The following UST variants were observed in gnomAD, a reference collection of about 807,000 sequenced individuals.
UST encodes the protein chondroitin sulfate 2-O-sulfotransferase.
Under a neutral mutation model 45.6 loss-of-function variants are expected in UST, and 21 were observed. The ratio of observed to expected loss-of-function variants is 0.46; its 90% CI spans 0.33 to 0.66. The LOEUF is 0.66. Among genes scored for constraint, UST ranks in the 30% least tolerant of loss-of-function variants. UST has a pLI of 0.02. For synonymous variants in UST, 215 were observed against 200.6 expected (o/e 1.07, Z -0.61); for missense variants, 463 against 512.4 (o/e 0.90, Z 0.93).
intron 5 of UST, among the ~76,000 whole-genome samples, chr6:148,975,727 G>T (rs1350302229): frequency 6.6e-6 from 1 of 152,270 alleles, no homozygotes; most frequent in Non-Finnish European, 1.5e-5. Context: ...AATAAATAGT[G>T]TAGGAAAAAT....
chr6:148,827,498 A>G (rs2114753299), intron 1 of UST, among the ~76,000 whole-genome samples: 1 of 152,160 alleles, frequency 6.6e-6, no homozygotes, highest in Non-Finnish European at 1.5e-5. Context: ...GCATGCCTGT[A>G]ATCCCAACTC....
intron 5 of UST, among the ~76,000 whole-genome samples, chr6:148,977,766 A>C (rs887107900): frequency 1.1e-4 from 17 of 151,158 alleles, no homozygotes; most frequent in Non-Finnish European, 2.5e-4. Context: ...AAAAAAAAAA[A>C]AAAAAGAAAA....
At chr6:149,050,104 C>A (rs1285085670) in intron 7 of UST, among the ~76,000 whole-genome samples, 1 of 152,118 alleles carries the variant, frequency 6.6e-6, no homozygotes, top group Non-Finnish European at 1.5e-5. Flanking sequence ...GTACAAACAC[C>A]ATTAAGGGCA....
At chr6:148,865,090 G>C (rs143982859) in intron 1 of UST, among the ~76,000 whole-genome samples, 2 of 152,322 alleles carry the variant, frequency 1.3e-5, no homozygotes, top group East Asian at 3.9e-4. Flanking sequence ...AGTTCATTTG[G>C]TCTGTACTGC....
intron 2 of UST, among the ~76,000 whole-genome samples, chr6:148,930,873 C>T (rs973750303): frequency 2.6e-5 from 4 of 152,222 alleles, no homozygotes; most frequent in African/African-American, 9.6e-5. Context: ...ATAAGTTTCT[C>T]AGTACAATTC....
intron 1 of UST, among the ~76,000 whole-genome samples, chr6:148,766,852 G>A (rs9498151): frequency 0.03 from 4,516 of 152,336 alleles, 93 homozygotes; most frequent in Non-Finnish European, 0.041. Context: ...CAGGGTCGGA[G>A]AGTTTTGTTT....
Position 148,941,333 on chromosome 6 carries a change from C to T in UST, c.346C>T (p.Arg116Cys). 4 of 1,612,840 alleles carry T rather than the reference C, an allele frequency of 2.5e-6. No individual in the cohort carries two copies. Among genetic ancestry groups the T allele is most frequent in the African/African-American group, 1.3e-5 (1 of 74,954 alleles). ...VYNRVGKCGSRTVVLLLRILS... is the reference protein window; with the variant it reads ...VYNRVGKCGSCTVVLLLRILS... ...CAACAGGGTAGGCAAGTGTGGGAGC[C>T]GTACTGTGGTCTTGCTTCTGAGAAT... Residue 116 changes from arginine to cysteine, a missense_variant, in exon 3 of 8, where the codon CGT (arginine) becomes TGT (cysteine). Around this residue, in one of 2 missense-constraint regions of UST, gnomAD observed 287 missense variants for 374.2 expected, o/e 0.77. Transcript: ENST00000367463.
At chr6:148,990,295 T>C in intron 5 of UST, 3 of 679,860 alleles carry the variant, frequency 4.4e-6, no homozygotes, top group Non-Finnish European at 5.4e-6. Flanking sequence ...AAACAGGAAC[T>C]GGTTTTATAA....
At chr6:148,787,614 G>A (rs533144498) in intron 1 of UST, among the ~76,000 whole-genome samples, 49 of 152,168 alleles carry the variant, frequency 3.2e-4, no homozygotes, top group African/African-American at 7.7e-4. Flanking sequence ...GTTTGAAGTC[G>A]GGTAGCATGA....
At chr6:148,792,335 G>T (rs1776865607) in intron 1 of UST, among the ~76,000 whole-genome samples, 1 of 152,194 alleles carries the variant, frequency 6.6e-6, no homozygotes, top group Admixed American at 6.5e-5. Context: ...GTCATTCAGA[G>T]CTGACCCCGG....
intron 1 of UST, among the ~76,000 whole-genome samples, chr6:148,884,768 G>A (rs1290234833): frequency 1.3e-5 from 2 of 152,178 alleles, no homozygotes; most frequent in Non-Finnish European, 2.9e-5. Flanking sequence ...GAGACACAAG[G>A]CATCTCTCAT....
rs374656093 is a variant in UST at position 149,021,427 on chromosome 6, G to T, written c.883G>T (p.Glu295Ter). ...EELEDVLLLL[E>*]RFLPHYFKGV... Reference sequence around the variant, plus strand: ...GTTGGAAGATGTGCTGCTGTTACTGGAAAGATTTTTACCTCATTACTTCAA... The same window carrying T: ...GTTGGAAGATGTGCTGCTGTTACTGTAAAGATTTTTACCTCATTACTTCAA... Residue 295 changes from glutamate (E) to a stop codon, truncating the protein, a stop_gained, in exon 7 of 8, where the codon GAA becomes TAA. Coordinates refer to ENST00000367463, the MANE Select transcript of UST (RefSeq NM_005715.3). LOFTEE classifies it high-confidence loss of function. 6.2e-7 allele frequency: 1 copy of T among 1,614,196 alleles called. No individual in the cohort carries two copies. Among genetic ancestry groups the T allele is most frequent in the Non-Finnish European group, 8.5e-7 (1 of 1,180,044 alleles).
chr6:148,941,888 T>C (rs1780134722), intron 3 of UST, among the ~76,000 whole-genome samples: 1 of 152,150 alleles, frequency 6.6e-6, no homozygotes, highest in Non-Finnish European at 1.5e-5. Flanking sequence ...ACTCAGAGGA[T>C]CTTAGGCTTT....
chr6:148,774,031 G>A (rs935494920), intron 1 of UST, among the ~76,000 whole-genome samples: 7 of 152,150 alleles, frequency 4.6e-5, no homozygotes, highest in Non-Finnish European at 1.0e-4. Context: ...ACCAAAGGAA[G>A]AATTCAAAAT....
chr6:149,046,094 C>T (rs967159156), intron 7 of UST, among the ~76,000 whole-genome samples: 4 of 152,180 alleles, frequency 2.6e-5, no homozygotes, highest in Admixed American at 2.6e-4. Context: ...CCCTTCAAAT[C>T]CATACACAGC....
intron 2 of UST, among the ~76,000 whole-genome samples, chr6:148,923,795 C>A (rs1362251646): frequency 6.6e-6 from 1 of 152,106 alleles, no homozygotes; most frequent in South Asian, 2.1e-4. Context: ...TTGTCCAGGG[C>A]AGGACTTAGA....
At chr6:149,043,015 C>CTTTCTTTCTTTCTTTCTTTCTT (rs770670199) in intron 7 of UST, among the ~76,000 whole-genome samples, 47 of 119,778 alleles carry the variant, frequency 3.9e-4, no homozygotes, top group African/African-American at 5.5e-4. Flanking sequence ...TTCTTTCTTT[C>CTTTCTTTCTTTCTTTCTTTCTT]TTTCTTTTTC....
At chr6:149,044,698 C>G (rs996130489) in intron 7 of UST, among the ~76,000 whole-genome samples, 16 of 152,106 alleles carry the variant, frequency 1.1e-4, no homozygotes, top group African/African-American at 3.6e-4. Flanking sequence ...CTTAATACCA[C>G]CAGAGACAAG....
intron 7 of UST, among the ~76,000 whole-genome samples, chr6:149,068,861 G>A (rs1471004124): frequency 6.6e-6 from 1 of 151,974 alleles, no homozygotes; most frequent in Non-Finnish European, 1.5e-5. Flanking sequence ...CTGTACATTT[G>A]TACCCATTAA....
Sources: gnomAD v4.1 joint callset for allele counts (sites outside exome capture counted in the v4.1 genomes callset) on GRCh38, gnomAD v4.1.1 for gene constraint, gnomAD v4.1.1 regional missense constraint, MANE v1.5 for transcripts, NCBI Gene and HGNC (gene_info 2026-07-23, HGNC 2026-07-21) for gene names.